Variants in ZBTB20 observed in about 807,000 individuals in gnomAD.
The protein encoded by ZBTB20 is zinc finger and BTB domain-containing protein 20.
A neutral mutation model predicts 56.9 loss-of-function variants in ZBTB20; 9 were observed. That is an observed-to-expected ratio of 0.16 (90% confidence interval 0.10 to 0.28). The LOEUF is 0.28. ZBTB20 is among the 10% of genes least tolerant of loss of function. The pLI, the probability that ZBTB20 is intolerant of heterozygous loss-of-function variation, is 1.00. For synonymous variants in ZBTB20, 417 were observed against 420.7 expected (o/e 0.99, Z 0.11); for missense variants, 655 against 1,003.0 (o/e 0.65, Z 4.69).
intron 6 of ZBTB20, among the ~76,000 whole-genome samples, chr3:114,634,338 T>A (rs2059136692): frequency 6.6e-6 from 1 of 152,076 alleles, no homozygotes. Context: ...CCTAACCTAA[T>A]CAAGAAGGCT....
chr3:114,351,037 G>T lies in ZBTB20; in HGVS notation c.1041C>A (p.Ile347=). The part of the protein sequence containing the change: ...YDYYGQQRVQ[I]LERNESEECT... Reference sequence around the variant, plus strand: ...ACTCCTCGGATTCGTTGCGTTCCAGGATCTGCACCCTTTGCTGCCCGTAGT... The same window carrying T: ...ACTCCTCGGATTCGTTGCGTTCCAGTATCTGCACCCTTTGCTGCCCGTAGT... The change falls in exon 11 of 12, where the codon ATC becomes ATA. Residue 347 remains isoleucine, a synonymous_variant. Transcript: ENST00000675478. 6.2e-7 allele frequency: 1 copy of T among 1,612,002 alleles called. No individual in the cohort carries two copies. Among genetic ancestry groups the T allele is most frequent in the Non-Finnish European group, 8.5e-7 (1 of 1,179,914 alleles).
In ZBTB20 at chr3:114,373,496, G is replaced by A. The variant is rs1056470870; in HGVS notation, c.199+6721C>T. On this transcript the variant is annotated intron_variant, in intron 10 of 11. Coordinates refer to ENST00000675478, the MANE Select transcript of ZBTB20 (RefSeq NM_001348800.3). ...GCTCTGTTTGTGCCTCTATGGTTTT[G>A]CTTCTTTCTATTCCTTCTGCCTGGA... Among the ~76,000 whole-genome samples the A allele has an allele frequency of 7.9e-5, 12 of 152,212 alleles. No homozygotes were observed. The East Asian group carries it at 1.7e-3, about 22-fold the overall frequency.
intron 6 of ZBTB20, among the ~76,000 whole-genome samples, chr3:114,612,836 G>C (rs1236574753): frequency 1.3e-5 from 2 of 151,938 alleles, no homozygotes; most frequent in Non-Finnish European, 2.9e-5. Context: ...CAAAACAAAT[G>C]GTACACCATA....
rs1026215225 is a variant in ZBTB20 at position 114,326,678 on chromosome 3, T to A, written c.*12327A>T. The A allele has an allele frequency of 4.6e-5, 7 of 152,188 alleles. No homozygotes were observed. The highest frequency in any genetic ancestry group is 7.3e-5 in the Non-Finnish European group (5 of 68,034). The allele number at this position is 152,188 out of a possible 1,614,324, so 9.4% of individuals were successfully genotyped here. On this transcript the variant is annotated 3_prime_UTR_variant, in exon 12 of 12. Coordinates refer to ENST00000675478, the MANE Select transcript of ZBTB20 (RefSeq NM_001348800.3). ...TTACTAAAATACACATTCCTCCAGT[T>A]TCAGATTTCTAAAAAGTAATAATTA...
intron 7 of ZBTB20, among the ~76,000 whole-genome samples, chr3:114,461,308 C>T (rs371900217): frequency 7.2e-6 from 1 of 138,266 alleles, no homozygotes; most frequent in African/African-American, 2.6e-5. Flanking sequence ...CCCCCCCCCT[C>T]TTTTTTTTTG....
At chr3:114,524,738 A>G (rs547741164) in intron 6 of ZBTB20, among the ~76,000 whole-genome samples, 1 of 152,064 alleles carries the variant, frequency 6.6e-6, no homozygotes, top group East Asian at 1.9e-4. Flanking sequence ...TCTGAGATGG[A>G]GTCTCACTCT....
chr3:114,910,354 A>G (rs2075484994), intron 3 of ZBTB20, among the ~76,000 whole-genome samples: 1 of 151,670 alleles, frequency 6.6e-6, no homozygotes, highest in Non-Finnish European at 1.5e-5. Flanking sequence ...AATATATTTA[A>G]ATATAAAATT....
intron 1 of ZBTB20, among the ~76,000 whole-genome samples, chr3:115,085,187 C>T (rs181177577): frequency 9.2e-5 from 14 of 152,002 alleles, no homozygotes; most frequent in Admixed American, 3.9e-4. Flanking sequence ...AAATGAAACC[C>T]GTTATTGTGA....
At chr3:114,877,928 G>A (rs1158386413) in intron 4 of ZBTB20, among the ~76,000 whole-genome samples, 1 of 152,048 alleles carries the variant, frequency 6.6e-6, no homozygotes, top group African/African-American at 2.4e-5. Context: ...ACTCAGTAAA[G>A]GAAGGTATAA....
intron 2 of ZBTB20, among the ~76,000 whole-genome samples, chr3:115,038,438 A>G (rs372040037): frequency 3.2e-4 from 48 of 152,342 alleles, no homozygotes; most frequent in African/African-American, 1.2e-3. Flanking sequence ...GAAAGCATAA[A>G]TATCACAAAT....
intron 6 of ZBTB20, among the ~76,000 whole-genome samples, chr3:114,536,176 G>C (rs560886110): frequency 4.6e-5 from 7 of 152,176 alleles, no homozygotes; most frequent in African/African-American, 1.7e-4. Context: ...ATAAATAAAG[G>C]GTATTCAAAT....
At chr3:114,451,601 C>T (rs921129689) in intron 7 of ZBTB20, among the ~76,000 whole-genome samples, 3 of 152,138 alleles carry the variant, frequency 2.0e-5, no homozygotes, top group Non-Finnish European at 2.9e-5. Flanking sequence ...TGCGCACACA[C>T]GCTATGACAC....
At chr3:115,102,870 C>G (rs2083621578) in intron 1 of ZBTB20, 1 of 151,862 alleles carries the variant, frequency 6.6e-6, no homozygotes, top group African/African-American at 2.4e-5. Context: ...GAGGCTGAGG[C>G]AGGAGAATCG....
intron 5 of ZBTB20, among the ~76,000 whole-genome samples, chr3:114,790,434 A>T (rs1225492847): frequency 1.3e-5 from 2 of 152,144 alleles, no homozygotes; most frequent in Non-Finnish European, 2.9e-5. Context: ...ATTCATAAAT[A>T]CTCATTACCC....
At chr3:114,397,367 T>C (rs1246787210) in intron 7 of ZBTB20, among the ~76,000 whole-genome samples, 1 of 152,172 alleles carries the variant, frequency 6.6e-6, no homozygotes, top group South Asian at 2.1e-4. Context: ...TGCAGTGTGG[T>C]AAGCTTATTA....
intron 4 of ZBTB20, among the ~76,000 whole-genome samples, chr3:114,809,674 C>A (rs1013749341): frequency 2.0e-5 from 3 of 152,136 alleles, no homozygotes; most frequent in African/African-American, 7.2e-5. Flanking sequence ...ATCTCCACTT[C>A]AACCCAAATA....
At chr3:114,819,605 C>T (rs2073127992) in intron 4 of ZBTB20, among the ~76,000 whole-genome samples, 1 of 151,532 alleles carries the variant, frequency 6.6e-6, no homozygotes, top group Non-Finnish European at 1.5e-5. Flanking sequence ...CCATTAAGAA[C>T]AAAAGTAAGT....
At chr3:114,784,536 AGAG>A (rs2070352497) in intron 5 of ZBTB20, among the ~76,000 whole-genome samples, 1 of 152,240 alleles carries the variant, frequency 6.6e-6, no homozygotes, top group Non-Finnish European at 1.5e-5. Flanking sequence ...ACACAGCATG[AGAG>A]AACAAAGAGT....
At chr3:114,592,086 C>T (rs2055824328) in intron 6 of ZBTB20, among the ~76,000 whole-genome samples, 1 of 152,168 alleles carries the variant, frequency 6.6e-6, no homozygotes, top group African/African-American at 2.4e-5. Context: ...TCTAGATTAT[C>T]AAGCCAGAAT....
Sources: allele counts gnomAD v4.1 joint callset (sites outside exome capture counted in the v4.1 genomes callset), GRCh38; gene constraint gnomAD v4.1.1; transcripts MANE v1.5; gene names NCBI Gene and HGNC (gene_info 2026-07-23, HGNC 2026-07-21).